Variants in PCNX2 observed in about 807,000 individuals in gnomAD.
The protein encoded by PCNX2 is pecanex-like protein 2.
A neutral mutation model predicts 223.8 loss-of-function variants in PCNX2; 168 were observed. That is an observed-to-expected ratio of 0.75 (90% CI 0.66 to 0.85). The LOEUF (loss-of-function observed/expected upper bound fraction) is 0.85, where lower values mean the gene tolerates loss of function less well. Among genes scored for constraint, PCNX2 ranks in the 40% least tolerant of loss-of-function variants. PCNX2 has a pLI of 0.00. For missense variants in PCNX2, 2,507 were observed against 2,675.5 expected, an observed-to-expected ratio of 0.94 and a Z score of 1.39; for synonymous variants, 1,006 against 1,052.6, an observed-to-expected ratio of 0.96 and a Z score of 0.86.
At chr1:233,005,412 G>A (rs1441935436) in intron 28 of PCNX2, among the ~76,000 whole-genome samples, 3 of 152,214 alleles carry the variant, frequency 2.0e-5, no homozygotes, top group African/African-American at 7.2e-5. Context: ...GCAGGAGAAA[G>A]GCAGCCTCCA....
chr1:233,206,565 T>TA (rs1306747252), intron 13 of PCNX2, among the ~76,000 whole-genome samples: 3 of 152,070 alleles, frequency 2.0e-5, no homozygotes, highest in Non-Finnish European at 4.4e-5. Flanking sequence ...AAAAGTAAAG[T>TA]AAAAAATATC....
At chr1:233,197,769 C>A (rs1209001119) in intron 15 of PCNX2, among the ~76,000 whole-genome samples, 1 of 152,110 alleles carries the variant, frequency 6.6e-6, no homozygotes, top group Non-Finnish European at 1.5e-5. Flanking sequence ...AAACAATTAT[C>A]TTTCTGCCAC....
At chr1:233,298,627 G>A (rs939904897), upstream of PCNX2, among the ~76,000 whole-genome samples, 1 of 152,106 alleles carries the variant, frequency 6.6e-6, no homozygotes, top group Non-Finnish European at 1.5e-5. Context: ...GGTGGTTCAC[G>A]CCTGTAATCC....
chr1:233,182,557 C>T (rs571580953), intron 15 of PCNX2, among the ~76,000 whole-genome samples: 2 of 152,180 alleles, frequency 1.3e-5, no homozygotes, highest in East Asian at 3.9e-4. Flanking sequence ...AATGATTCCT[C>T]ATTACCAACC....
chr1:233,283,774 C>T (rs1661308180), intron 1 of PCNX2, among the ~76,000 whole-genome samples: 1 of 152,124 alleles, frequency 6.6e-6, no homozygotes, highest in Non-Finnish European at 1.5e-5. Flanking sequence ...TTTGCAACCA[C>T]CATTGTAATG....
chr1:233,245,256 C>A (rs1659038679), intron 8 of PCNX2, among the ~76,000 whole-genome samples: 1 of 152,194 alleles, frequency 6.6e-6, no homozygotes, highest in Admixed American at 6.5e-5. Context: ...AGATGAGAAC[C>A]CTCTACAAAT....
chr1:233,033,281 G>A (rs1014956007), intron 25 of PCNX2: 1 of 790,826 alleles, frequency 1.3e-6, no homozygotes, highest in Non-Finnish European at 1.5e-6. Context: ...AATCTAAAAG[G>A]TATACATAGT....
chr1:233,232,484 A>G (rs1465143562), intron 9 of PCNX2, among the ~76,000 whole-genome samples: 2 of 152,342 alleles, frequency 1.3e-5, no homozygotes, highest in Non-Finnish European at 2.9e-5. Context: ...ACCCATTCTA[A>G]GTTGAGGAAC....
chr1:233,197,785 T>C (rs1374843274), intron 15 of PCNX2, among the ~76,000 whole-genome samples: 1 of 152,208 alleles, frequency 6.6e-6, no homozygotes, highest in Non-Finnish European at 1.5e-5. Context: ...GCCACTGACA[T>C]TGATCAGTTT....
rs1001855690 is a variant in PCNX2 at position 233,117,486 on chromosome 1, C to A, written c.3837+17527G>T. Among the ~76,000 whole-genome samples, 5 of 150,958 alleles carry A rather than the reference C, an allele frequency of 3.3e-5. No homozygotes were observed. The South Asian group carries it at 8.4e-4, about 25-fold the overall frequency. ...CTGTACTAAAAATACAAAAAATTAG[C>A]CGTATTCGGGAGGCTGAGGCAGGAG... On this transcript the variant is annotated intron_variant, in intron 21 of 33. Transcript: ENST00000258229.
At chr1:233,071,843 T>C (rs1167950619) in intron 23 of PCNX2, among the ~76,000 whole-genome samples, 1 of 152,240 alleles carries the variant, frequency 6.6e-6, no homozygotes, top group African/African-American at 2.4e-5. Flanking sequence ...CCATTCTGAC[T>C]AGTGTGAGAT....
chr1:233,291,575 T>A, intron 1 of PCNX2: 1 of 742,702 alleles, frequency 1.3e-6, no homozygotes, highest in Non-Finnish European at 1.6e-6. Context: ...GCCATTGCAC[T>A]CCAGCCTGGG....
At chr1:233,304,718 G>A in the PCNX2 span, among the ~76,000 whole-genome samples, 2 of 152,146 alleles carry the variant, frequency 1.3e-5, no homozygotes, top group Non-Finnish European at 2.9e-5. Context: ...TTAGAATGTA[G>A]TAAAATAAAA....
intron 8 of PCNX2, among the ~76,000 whole-genome samples, chr1:233,241,578 C>A (rs1202865658): frequency 2.0e-5 from 3 of 152,136 alleles, no homozygotes; most frequent in African/African-American, 4.8e-5. Context: ...CTGCTTCTTG[C>A]CAATCTTTTC....
intron 8 of PCNX2, chr1:233,241,071 C>A: frequency 5.5e-6 from 4 of 723,262 alleles, no homozygotes; most frequent in Non-Finnish European, 6.8e-6. Context: ...ATGAAAGTCC[C>A]AGCAACATGT....
intron 25 of PCNX2, among the ~76,000 whole-genome samples, chr1:233,034,376 G>A (rs1405973340): frequency 6.6e-6 from 1 of 152,162 alleles, no homozygotes; most frequent in Admixed American, 6.5e-5. Flanking sequence ...GCTGTCTGCA[G>A]ACCAGGAAAT....
At chr1:233,036,879 G>C (rs191646066) in intron 25 of PCNX2, among the ~76,000 whole-genome samples, 52 of 152,178 alleles carry the variant, frequency 3.4e-4, no homozygotes, top group African/African-American at 1.2e-3. Context: ...TCCTTCTCTC[G>C]ACTGCTGTTT....
In PCNX2 at chr1:233,072,569, C is replaced by T. The variant is rs1346930802; in HGVS notation, c.4077-15279G>A. On this transcript the variant is annotated intron_variant, in intron 23 of 33. Transcript: ENST00000258229. ...TTAGGCTTATCAGATTGAGGACATT[C>T]TTTTATCCTAGTTTGTTTAATGTTT... 5.3e-5 allele frequency among the ~76,000 whole-genome samples: 8 copies of T among 152,222 alleles called. No individual in the cohort carries two copies. The South Asian group carries it at 1.5e-3, about 28-fold the overall frequency.
chr1:233,152,189 A>G (rs534893643), intron 19 of PCNX2, among the ~76,000 whole-genome samples: 1 of 152,326 alleles, frequency 6.6e-6, no homozygotes, highest in African/African-American at 2.4e-5. Context: ...AGAATAATTA[A>G]TAAAGCAGGC....
Sources: gnomAD v4.1 joint callset for allele counts (sites outside exome capture counted in the v4.1 genomes callset) on GRCh38, gnomAD v4.1.1 for gene constraint, MANE v1.5 for transcripts, NCBI Gene and HGNC (gene_info 2026-07-23, HGNC 2026-07-21) for gene names.